Variants in ERBB4 observed in about 807,000 individuals in gnomAD.
ERBB4 encodes the protein receptor tyrosine-protein kinase erbB-4.
ERBB4 carries 42 observed loss-of-function variants against 158.0 expected under a neutral mutation model. The ratio of observed to expected loss-of-function variants is 0.27; its 90% CI spans 0.21 to 0.34. ERBB4 has a LOEUF of 0.34. Ranked by LOEUF, ERBB4 falls within the 10% of genes least tolerant of loss-of-function variation. ERBB4 has a pLI of 1.00. For missense variants in ERBB4, 1,333 were observed against 1,624.1 expected (o/e 0.82, Z 3.08); for synonymous variants, 583 against 558.7 (o/e 1.04, Z -0.61).
intron 2 of ERBB4, among the ~76,000 whole-genome samples, chr2:212,069,739 A>G (rs2078055496): frequency 6.6e-6 from 1 of 152,076 alleles, no homozygotes; most frequent in African/African-American, 2.4e-5. Context: ...AAGACAATAT[A>G]ACAAATAAAC....
At chr2:211,384,912 A>C (rs912438401) in intron 27 of ERBB4, among the ~76,000 whole-genome samples, 1 of 152,114 alleles carries the variant, frequency 6.6e-6, no homozygotes, top group Non-Finnish European at 1.5e-5. Context: ...AATAATTATC[A>C]CCATTCTCCT....
chr2:211,415,286 T>G (rs1400788500), intron 25 of ERBB4, among the ~76,000 whole-genome samples: 2 of 151,952 alleles, frequency 1.3e-5, no homozygotes, highest in Non-Finnish European at 2.9e-5. Flanking sequence ...CCGGCTAATT[T>G]TTTGTATTTT....
At chr2:212,407,282 C>G (rs2091374020) in intron 1 of ERBB4, among the ~76,000 whole-genome samples, 1 of 151,752 alleles carries the variant, frequency 6.6e-6, no homozygotes, top group Non-Finnish European at 1.5e-5. Flanking sequence ...AATTGAATAC[C>G]TGAAAGTAAA....
chr2:212,372,062 A>G (rs2090106963), intron 1 of ERBB4, among the ~76,000 whole-genome samples: 2 of 152,260 alleles, frequency 1.3e-5, no homozygotes, highest in Middle Eastern at 6.8e-3. Context: ...CCTGGGCCTT[A>G]TTTACAATGT....
intron 13 of ERBB4, among the ~76,000 whole-genome samples, chr2:211,675,923 A>G (rs2105947623): frequency 6.6e-6 from 1 of 151,788 alleles, no homozygotes; most frequent in South Asian, 2.1e-4. Flanking sequence ...TAAATAGACG[A>G]AAAAGAAAAT....
At chr2:212,102,993 A>G (rs1025948853) in intron 2 of ERBB4, among the ~76,000 whole-genome samples, 1 of 152,044 alleles carries the variant, frequency 6.6e-6, no homozygotes, top group Non-Finnish European at 1.5e-5. Flanking sequence ...CTCCACTTCT[A>G]TACTCCATTT....
intron 1 of ERBB4, among the ~76,000 whole-genome samples, chr2:212,520,017 C>T (rs1692066074): frequency 6.6e-6 from 1 of 151,848 alleles, no homozygotes; most frequent in South Asian, 2.1e-4. Flanking sequence ...TGAAAAATCA[C>T]TCTGTATCCC....
intron 12 of ERBB4, among the ~76,000 whole-genome samples, chr2:211,690,730 C>A (rs959547085): frequency 2.6e-5 from 4 of 151,994 alleles, no homozygotes; most frequent in Admixed American, 1.3e-4. Flanking sequence ...CGATCAGCAC[C>A]AAGAATTCAA....
chr2:212,080,005 A>C (rs929643724), intron 2 of ERBB4, among the ~76,000 whole-genome samples: 3 of 152,012 alleles, frequency 2.0e-5, no homozygotes, highest in African/African-American at 7.2e-5. Context: ...TTAATCATAA[A>C]AGGAAGGAGC....
intron 3 of ERBB4, among the ~76,000 whole-genome samples, chr2:211,916,367 A>G (rs1379571168): frequency 6.6e-6 from 1 of 151,990 alleles, no homozygotes; most frequent in African/African-American, 2.4e-5. Context: ...TTTAGTGGAG[A>G]CGGGGTTTCA....
intron 1 of ERBB4, among the ~76,000 whole-genome samples, chr2:212,406,365 G>C (rs2091344497): frequency 6.6e-6 from 1 of 152,138 alleles, no homozygotes; most frequent in Admixed American, 6.6e-5. Flanking sequence ...ACTTTGGACA[G>C]ATAATATGAC....
At chr2:211,996,265 A>T (rs978355721) in intron 2 of ERBB4, among the ~76,000 whole-genome samples, 1 of 148,602 alleles carries the variant, frequency 6.7e-6, no homozygotes. Context: ...AATTTGGTTT[A>T]TTTTTTTTTT....
At chr2:211,729,809 T>C (rs1296770074) in intron 5 of ERBB4, among the ~76,000 whole-genome samples, 1 of 151,956 alleles carries the variant, frequency 6.6e-6, no homozygotes, top group Non-Finnish European at 1.5e-5. Context: ...AAATATTTCA[T>C]TACATTTTTT....
chr2:211,663,351 A>C (rs1042792664), intron 15 of ERBB4, among the ~76,000 whole-genome samples: 2 of 152,202 alleles, frequency 1.3e-5, no homozygotes, highest in East Asian at 3.8e-4. Flanking sequence ...GTCATTAGAG[A>C]ATGCATTTAC....
intron 1 of ERBB4, among the ~76,000 whole-genome samples, chr2:212,422,232 G>A (rs1426202816): frequency 6.6e-6 from 1 of 152,142 alleles, no homozygotes; most frequent in Non-Finnish European, 1.5e-5. Context: ...AAGCCTGGGA[G>A]CAGTGGTTCA....
chr2:212,261,789 G>A (rs979499438), intron 1 of ERBB4, among the ~76,000 whole-genome samples: 10 of 152,052 alleles, frequency 6.6e-5, no homozygotes, highest in Non-Finnish European at 1.5e-4. Flanking sequence ...AATTGTACAT[G>A]TGTTATATAT....
chr2:211,644,980 G>A (rs547493912), intron 16 of ERBB4, among the ~76,000 whole-genome samples: 2 of 152,008 alleles, frequency 1.3e-5, no homozygotes, highest in East Asian at 3.9e-4. Context: ...TAGAGCCACG[G>A]GGGAGGAGAG....
intron 1 of ERBB4, among the ~76,000 whole-genome samples, chr2:212,487,466 TTAAG>T (rs1401978385): frequency 6.6e-6 from 1 of 151,838 alleles, no homozygotes; most frequent in Non-Finnish European, 1.5e-5. Context: ...AAATAAAAAA[TTAAG>T]TTTTAAAAGT....
chr2:211,869,166 G>A (rs1365921558), intron 3 of ERBB4, among the ~76,000 whole-genome samples: 1 of 152,064 alleles, frequency 6.6e-6, no homozygotes, highest in East Asian at 1.9e-4. Flanking sequence ...TGCCAAGAAC[G>A]AACTCTGTAT....
Sources: gnomAD v4.1 joint callset for allele counts (sites outside exome capture counted in the v4.1 genomes callset) on GRCh38, gnomAD v4.1.1 for gene constraint, MANE v1.5 for transcripts, NCBI Gene and HGNC (gene_info 2026-07-23, HGNC 2026-07-21) for gene names.